The following FAM227B variants were observed in gnomAD, a reference collection of about 807,000 sequenced individuals.
The protein encoded by FAM227B is protein FAM227B.
FAM227B carries 88 observed loss-of-function variants against 73.8 expected under a neutral mutation model. The observed-to-expected ratio is 1.19, with a 90% CI of 1.00 to 1.42. The LOEUF (loss-of-function observed/expected upper bound fraction) is 1.42. Ranked by LOEUF, FAM227B falls within the 40% of genes most tolerant of loss-of-function variation. FAM227B has a pLI of 0.00. For synonymous variants in FAM227B, 210 were observed against 190.5 expected, an observed-to-expected ratio of 1.10 and a Z score of -0.84; for missense variants, 632 against 590.9, an observed-to-expected ratio of 1.07 and a Z score of -0.72.
rs112033141 is a variant in FAM227B at position 49,582,051 on chromosome 15, A to G, written c.406-4387T>C. Among the ~76,000 whole-genome samples, 713 of 152,296 alleles carry G rather than the reference A, an allele frequency of 4.7e-3. 8 individuals carry two copies. Among genetic ancestry groups the G allele is most frequent in the African/African-American group, 0.016 (675 of 41,562 alleles). ...TGCTTGCAGTACACATACCAGTGAC[A>G]CTATAAAGCAACCACATAAACAAAT... On this transcript the variant is annotated intron_variant, in intron 5 of 15. Coordinates refer to ENST00000299338, the MANE Select transcript of FAM227B (RefSeq NM_152647.3).
intron 10 of FAM227B, among the ~76,000 whole-genome samples, chr15:49,537,557 C>T (rs2070452131): frequency 6.6e-6 from 1 of 152,088 alleles, no homozygotes; most frequent in Admixed American, 6.6e-5. Context: ...AGCAATCTCA[C>T]TTTTGGGTAT....
chr15:49,451,651 A>G lies in FAM227B; in HGVS notation c.1012+56560T>C, dbSNP rs746620815. Among the ~76,000 whole-genome samples, 185 of 152,292 alleles carry G rather than the reference A, an allele frequency of 1.2e-3. 1 individual carries two copies. Among genetic ancestry groups the G allele is most frequent in the Admixed American group, 1.9e-3 (29 of 15,280 alleles). On this transcript the variant is annotated intron_variant, in intron 11 of 15. Coordinates refer to ENST00000299338, the MANE Select transcript of FAM227B (RefSeq NM_152647.3). ...ATAATTTCAGTAAACATGAAGTGAA[A>G]CACAGCACAAGCCAAACTGAACTCT...
intron 9 of FAM227B, among the ~76,000 whole-genome samples, chr15:49,566,659 T>C (rs1400480829): frequency 6.6e-6 from 1 of 152,194 alleles, no homozygotes; most frequent in African/African-American, 2.4e-5. Flanking sequence ...ATTGAAATTA[T>C]GGTCAATAAA....
At chr15:49,489,921 G>C (rs1482504532) in intron 11 of FAM227B, among the ~76,000 whole-genome samples, 1 of 22,754 alleles carries the variant, frequency 4.4e-5, no homozygotes, top group African/African-American at 6.4e-5. Flanking sequence ...GAGACAGAGA[G>C]AGAGACAGAG....
intron 11 of FAM227B, among the ~76,000 whole-genome samples, chr15:49,467,910 A>G (rs999602503): frequency 1.1e-4 from 16 of 152,266 alleles, no homozygotes; most frequent in Admixed American, 6.5e-5. Context: ...ATACAGTTCA[A>G]TGATGTTCCC....
At chr15:49,437,526 TG>T (rs1292529839) in intron 11 of FAM227B, among the ~76,000 whole-genome samples, 1 of 151,680 alleles carries the variant, frequency 6.6e-6, no homozygotes, top group Non-Finnish European at 1.5e-5. Flanking sequence ...AGGATTTTTT[TG>T]GGGTGTGATT....
intron 4 of FAM227B, among the ~76,000 whole-genome samples, chr15:49,589,505 T>C (rs532274992): frequency 6.6e-6 from 1 of 151,540 alleles, no homozygotes; most frequent in South Asian, 2.1e-4. Context: ...AAAATATTTT[T>C]AATATTTGTA....
intron 13 of FAM227B, among the ~76,000 whole-genome samples, chr15:49,352,446 A>G (rs1164956750): frequency 6.6e-6 from 1 of 152,194 alleles, no homozygotes; most frequent in Non-Finnish European, 1.5e-5. Flanking sequence ...TAAGTCCACT[A>G]TCAGCAGCTG....
intron 3 of FAM227B, among the ~76,000 whole-genome samples, chr15:49,598,424 T>C (rs540135892): frequency 6.6e-6 from 1 of 152,112 alleles, no homozygotes; most frequent in East Asian, 1.9e-4. Context: ...ACTTCTTCCT[T>C]TCCTATTTGG....
At chr15:49,488,022 T>A (rs1180686841) in intron 11 of FAM227B, 2 of 151,948 alleles carry the variant, frequency 1.3e-5, no homozygotes, top group Non-Finnish European at 1.5e-5. Context: ...TCACCACGCA[T>A]AGGAGTGATA....
At chr15:49,553,472 G>C (rs560925428) in intron 9 of FAM227B, among the ~76,000 whole-genome samples, 2 of 152,198 alleles carry the variant, frequency 1.3e-5, no homozygotes, top group African/African-American at 4.8e-5. Context: ...TCTACAATCA[G>C]CAAGTGGCAA....
chr15:49,593,245 A>G (rs2076689959), intron 3 of FAM227B, among the ~76,000 whole-genome samples: 1 of 152,170 alleles, frequency 6.6e-6, no homozygotes, highest in South Asian at 2.1e-4. Flanking sequence ...TCGGAAATGC[A>G]GAAATCACCC....
chr15:49,395,946 G>A (rs1408319503), intron 11 of FAM227B: 1 of 456,056 alleles, frequency 2.2e-6, no homozygotes, highest in South Asian at 1.5e-5. Flanking sequence ...CCAAAGAACA[G>A]AGGAGAACAA....
chr15:49,361,636 C>G (rs1166767853), intron 13 of FAM227B, among the ~76,000 whole-genome samples: 15 of 151,928 alleles, frequency 9.9e-5, no homozygotes, highest in Admixed American at 9.8e-4. Flanking sequence ...TTTTCTTTAC[C>G]TAGTCCTGTT....
chr15:49,595,925 A>G (rs527812654), intron 3 of FAM227B, among the ~76,000 whole-genome samples: 22 of 149,894 alleles, frequency 1.5e-4, no homozygotes, highest in African/African-American at 5.3e-4. Context: ...CAAAGGAAAA[A>G]TAATTTTTTT....
chr15:49,422,120 TAG>T (rs3075167), intron 11 of FAM227B, among the ~76,000 whole-genome samples: 1,580 of 133,952 alleles, frequency 0.012, 12 homozygotes, highest in Non-Finnish European at 0.016. Flanking sequence ...GCATTTCACA[TAG>T]AGAGAGAGAG....
intron 2 of FAM227B, among the ~76,000 whole-genome samples, chr15:49,611,476 G>T (rs2077913043): frequency 6.6e-6 from 1 of 152,052 alleles, no homozygotes; most frequent in East Asian, 1.9e-4. Context: ...ACCAAATTTT[G>T]TAATAGGCTT....
intron 11 of FAM227B, among the ~76,000 whole-genome samples, chr15:49,383,111 T>C (rs12901929): frequency 0.28 from 42,081 of 151,916 alleles, 7,142 homozygotes; most frequent in Non-Finnish European, 0.38. Flanking sequence ...AGTTGATGGA[T>C]TGGAAAATTA....
At chr15:49,437,125 A>C (rs995089843) in intron 11 of FAM227B, among the ~76,000 whole-genome samples, 1 of 151,558 alleles carries the variant, frequency 6.6e-6, no homozygotes, top group Non-Finnish European at 1.5e-5. Context: ...GGTCTGGAAA[A>C]TTGTTATAGA....
Sources: allele counts gnomAD v4.1 joint callset (sites outside exome capture counted in the v4.1 genomes callset), GRCh38; gene constraint gnomAD v4.1.1; transcripts MANE v1.5; gene names NCBI Gene and HGNC (gene_info 2026-07-23, HGNC 2026-07-21).